Variants in NPM1 observed in about 807,000 individuals in gnomAD.
NPM1 encodes nucleophosmin 1.
In NPM1, 1 loss-of-function variant was observed where a neutral mutation model predicts 44.1. That is an observed-to-expected ratio of 0.02 (90% CI 0.01 to 0.11). The LOEUF is 0.11. Ranked by LOEUF, NPM1 falls within the 10% of genes least tolerant of loss-of-function variation. NPM1 has a pLI of 1.00. For synonymous variants in NPM1, 126 were observed against 111.8 expected (o/e 1.13, Z -0.80); for missense variants, 197 against 347.8 (o/e 0.57, Z 3.45).
chr5:171,394,041 C>CTTTTTTT (rs144186175), intron 6 of NPM1, among the ~76,000 whole-genome samples: 13 of 97,064 alleles, frequency 1.3e-4, no homozygotes, highest in Non-Finnish European at 2.1e-4. Flanking sequence ...TTTTTGTTTT[C>CTTTTTTT]TTTTTTTTTT....
intron 7 of NPM1, 147 bp downstream of exon 7, chr5:171,400,357 C>CT: frequency 1.1e-6 from 1 of 898,856 alleles, no homozygotes. Flanking sequence ...TTACAGAAAA[C>CT]TTAAGAGTGG....
chr5:171,390,986 T>C (rs2113164229), intron 2 of NPM1: 2 of 181,410 alleles, frequency 1.1e-5, no homozygotes, highest in East Asian at 2.8e-4. Flanking sequence ...CCTCCCTAAG[T>C]GTTGGGATTA....
Position 171,391,439 on chromosome 5 carries a change from A to T in NPM1, c.258+15A>T, listed in dbSNP as rs200158439. ...TACAGCCAACGGTAAGGGCACTTAC[A>T]TACTTTGGATGTTGTGTCAAGGTTT... On this transcript the variant is annotated intron_variant, in intron 3 of 10. Coordinates refer to ENST00000296930, the MANE Select transcript of NPM1 (RefSeq NM_002520.7). 2 of 1,605,174 alleles carry T rather than the reference A, an allele frequency of 1.2e-6. No individual in the cohort carries two copies. Among genetic ancestry groups the T allele is most frequent in the African/African-American group, 1.3e-5 (1 of 75,034 alleles).
rs1171321753 is a variant in NPM1, at chr5:171,388,014, C to T, written c.58+8C>T. 2 of 1,283,252 alleles carry T rather than the reference C, an allele frequency of 1.6e-6. No individual in the cohort carries two copies. Among genetic ancestry groups the T allele is most frequent in the South Asian group, 1.2e-5 (1 of 85,768 alleles). The allele number at this position is 1,283,252 out of a possible 1,614,324, so 79.5% of individuals were successfully genotyped here. A position where few individuals can be genotyped will look rare whatever the true frequency, so the allele number is the denominator to read the frequency against. On this transcript the variant is annotated splice_region_variant and intron_variant, in intron 1 of 10. Coordinates refer to ENST00000296930, the MANE Select transcript of NPM1 (RefSeq NM_002520.7). ...CCCAGAACTATCTTTTCGGTAACTG[C>T]TGGGGGGAGCTGGAGCGAGGCCGAG...
intron 9 of NPM1, chr5:171,406,449 G>A (rs746711871): frequency 3.7e-6 from 6 of 1,611,630 alleles, no homozygotes; most frequent in East Asian, 2.2e-5. Flanking sequence ...AAGATGGGGA[G>A]AAAGGAAAAG....
chr5:171,408,155 T>A (rs2113290844), intron 10 of NPM1, among the ~76,000 whole-genome samples: 1 of 151,786 alleles, frequency 6.6e-6, no homozygotes, highest in East Asian at 1.9e-4. Flanking sequence ...ATCTTTTTTT[T>A]TTTTTTCCTA....
At chr5:171,395,712 G>T (rs1040935328) in intron 6 of NPM1, among the ~76,000 whole-genome samples, 1 of 152,164 alleles carries the variant, frequency 6.6e-6, no homozygotes, top group Non-Finnish European at 1.5e-5. Context: ...ATGCAAAGAG[G>T]TGCATGAAGG....
rs561607248 is a variant in NPM1, at chr5:171,405,080, G to A, written c.670-222G>A. On this transcript the variant is annotated intron_variant, in intron 8 of 10. Coordinates refer to ENST00000296930, the MANE Select transcript of NPM1 (RefSeq NM_002520.7). The stretch of plus-strand genomic sequence containing the variant: ...AGCCTCCTGAGTAGCTGGGATTACA[G>A]GCATGCACCACCATGCCTAGCTAAT... Among the ~76,000 whole-genome samples the A allele has an allele frequency of 2.6e-5, 4 of 152,206 alleles. No homozygotes were observed. In the East Asian group the frequency reaches 7.7e-4, roughly 29 times the overall value.
Position 171,400,161 on chromosome 5 carries a change from A to T in NPM1, c.533A>T (p.Asp178Val), listed in dbSNP as rs17856513. ...TGACATTTCATTTGTAGTGATGATG[A>T]TGATGATTTTGATGATGAGGAAGCT... ...DEEDDDEDDDDDDFDDEEAEE... is the reference protein window; with the variant it reads ...DEEDDDEDDDVDDFDDEEAEE... Residue 178 changes from aspartate to valine, a missense_variant, in exon 7 of 11, where the codon GAT becomes GTT. Coordinates refer to ENST00000296930, the MANE Select transcript of NPM1 (RefSeq NM_002520.7). 4 of 1,551,964 alleles carry T rather than the reference A, an allele frequency of 2.6e-6. No individual in the cohort carries two copies. In the African/African-American group the frequency reaches 5.4e-5, roughly 21 times the overall value.
At chr5:171,404,524 C>T (rs1328385412) in intron 8 of NPM1, among the ~76,000 whole-genome samples, 178 of 71,886 alleles carry the variant, frequency 2.5e-3, no homozygotes, top group African/African-American at 9.7e-3. Context: ...GCGCTCCCCA[C>T]ATCTCAGACG....
chr5:171,400,595 TAC>T (rs1457502307), intron 7 of NPM1, among the ~76,000 whole-genome samples: 1 of 151,856 alleles, frequency 6.6e-6, no homozygotes, highest in Non-Finnish European at 1.5e-5. Context: ...TAGCTGGAAT[TAC>T]AGACTCATGC....
At chr5:171,409,351 G>C (rs1235910215) in intron 10 of NPM1, among the ~76,000 whole-genome samples, 7 of 152,070 alleles carry the variant, frequency 4.6e-5, no homozygotes, top group African/African-American at 1.7e-4. Flanking sequence ...TATAATCCCA[G>C]CACTTTGGGA....
intron 10 of NPM1, among the ~76,000 whole-genome samples, chr5:171,408,444 T>G (rs1771674524): frequency 1.3e-5 from 2 of 152,216 alleles, no homozygotes. Flanking sequence ...TTAGGTTTCC[T>G]GTGGTCAGCT....
chr5:171,394,073 C>T (rs1188524463), intron 6 of NPM1, among the ~76,000 whole-genome samples: 3 of 119,834 alleles, frequency 2.5e-5, no homozygotes, highest in Non-Finnish European at 3.2e-5. Flanking sequence ...GAGATGGAGT[C>T]TCCAGTTGCT....
At chr5:171,387,686 AGGAGGTG>A (rs1487005235), upstream of NPM1, 1 of 490,596 alleles carries the variant, frequency 2.0e-6, no homozygotes, top group Non-Finnish European at 3.6e-6. Context: ...AGTACCTGGA[AGGAGGTG>A]GGGGCGAGGT....
rs1310427132 is a variant in NPM1 at position 171,401,701 on chromosome 5, CAA to C, written c.669+778_669+779del. Among the ~76,000 whole-genome samples, 7 of 152,318 alleles carry C rather than the reference CAA, an allele frequency of 4.6e-5. No homozygotes were observed. The East Asian group carries it at 1.2e-3, about 25-fold the overall frequency. ...AGGTGATCCGCCCTCCTGGGCCTCT[CAA>C]AGTGTGTGAGCCACCACGCCTGGCC... On this transcript the variant is annotated intron_variant, in intron 8 of 10. Coordinates refer to ENST00000296930, the MANE Select transcript of NPM1 (RefSeq NM_002520.7).
chr5:171,404,331 T>C, intron 8 of NPM1, among the ~76,000 whole-genome samples: 1 of 84,222 alleles, frequency 1.2e-5, no homozygotes, highest in Non-Finnish European at 2.4e-5. Context: ...GGCTCCTCAC[T>C]TCTCAGACGG....
intron 6 of NPM1, among the ~76,000 whole-genome samples, chr5:171,398,358 T>G (rs910856329): frequency 6.6e-6 from 1 of 152,206 alleles, no homozygotes; most frequent in South Asian, 2.1e-4. Flanking sequence ...TTGAGTAAAC[T>G]TATGTGTATG....
intron 8 of NPM1, among the ~76,000 whole-genome samples, chr5:171,401,953 G>T (rs1389086252): frequency 2.0e-5 from 3 of 151,690 alleles, no homozygotes; most frequent in Admixed American, 1.3e-4. Flanking sequence ...CAGTACTTGT[G>T]CTCTACTTAT....
Sources: allele counts gnomAD v4.1 joint callset (sites outside exome capture counted in the v4.1 genomes callset), GRCh38; gene constraint gnomAD v4.1.1; transcripts MANE v1.5; gene names NCBI Gene and HGNC (gene_info 2026-07-23, HGNC 2026-07-21).